The following MACROH2A1 variants were observed in gnomAD, a reference collection of about 807,000 sequenced individuals.
MACROH2A1 encodes macroH2A.1 histone, also known as core histone macro-H2A.1.
A neutral mutation model predicts 31.6 loss-of-function variants in MACROH2A1; 2 were observed. The observed-to-expected ratio is 0.06, with a 90% CI of 0.03 to 0.20. The LOEUF is 0.20. MACROH2A1 is among the 10% of genes least tolerant of loss of function. The pLI is 1.00. For missense variants in MACROH2A1, 230 were observed against 474.0 expected, an observed-to-expected ratio of 0.49 and a Z score of 4.78; for synonymous variants, 169 against 189.6, an observed-to-expected ratio of 0.89 and a Z score of 0.89.
chr5:135,343,150 T>C, intron 8 of MACROH2A1, 110 bp downstream of exon 8: 1 of 1,591,968 alleles, frequency 6.3e-7, no homozygotes, highest in South Asian at 1.1e-5. Context: ...GTCTCCTTGG[T>C]TAAGGCAGCC....
rs764849677 is a variant in MACROH2A1, at chr5:135,335,120, T to C, written c.975A>G (p.Thr325=). 2.5e-5 allele frequency: 40 copies of C among 1,613,904 alleles called. No individual in the cohort carries two copies. The East Asian group carries it at 8.7e-4, about 35-fold the overall frequency. Residue 325 remains threonine, a synonymous_variant, in exon 9 of 9, where the codon ACA becomes ACG. Transcript: ENST00000511689. ...GSGRNGFPKQ[T]AAQLILKAIS... ...TGGCCTTCAGAATCAGCTGAGCTGC[T>C]GTCTGCTTTGGAAAACCGTTCCTGG... is the stretch of plus-strand genomic sequence containing the variant.
chr5:135,334,801 A>AAAC lies in MACROH2A1; in HGVS notation c.*172_*174dup. Reference sequence around the variant, plus strand: ...ATGCCAACTATCAGTGCTAACATAAAAACATTTTAGAAGGTCAAAAACAAT... The same window carrying AAAC: ...ATGCCAACTATCAGTGCTAACATAAAAACAACATTTTAGAAGGTCAAAAACAAT... On this transcript the variant is annotated 3_prime_UTR_variant, in exon 9 of 9. Coordinates refer to ENST00000511689, the MANE Select transcript of MACROH2A1 (RefSeq NM_138610.3). 1.7e-6 allele frequency: 1 copy of AAAC among 605,410 alleles called. No homozygotes were observed. The highest frequency in any genetic ancestry group is 3.0e-6 in the Non-Finnish European group (1 of 337,404). 37.5% of individuals were successfully genotyped at this position (605,410 alleles called of 1,614,324 possible).
At chr5:135,362,415 C>A (rs558887015) in intron 4 of MACROH2A1, 1 of 152,322 alleles carries the variant, frequency 6.6e-6, no homozygotes, top group East Asian at 1.9e-4. Context: ...GATGAGATTA[C>A]ACTATGTATT....
At chr5:135,380,698 A>G (rs1188883153) in intron 2 of MACROH2A1, among the ~76,000 whole-genome samples, 1 of 152,196 alleles carries the variant, frequency 6.6e-6, no homozygotes, top group African/African-American at 2.4e-5. Context: ...ATCTTGGCCC[A>G]AATATAAATA....
At chr5:135,390,727 T>A (rs1017088473) in intron 1 of MACROH2A1, among the ~76,000 whole-genome samples, 4 of 151,548 alleles carry the variant, frequency 2.6e-5, no homozygotes, top group African/African-American at 9.7e-5. Flanking sequence ...GGGATAGGAG[T>A]CCCTGTTACT....
chr5:135,358,104 T>G (rs909849464), intron 5 of MACROH2A1: 1 of 984,704 alleles, frequency 1.0e-6, no homozygotes, highest in Non-Finnish European at 1.2e-6. Context: ...ATTTTAAATG[T>G]GCTTTTTGTA....
chr5:135,395,830 T>G (rs1365306472), intron 1 of MACROH2A1, among the ~76,000 whole-genome samples: 4 of 152,122 alleles, frequency 2.6e-5, no homozygotes, highest in Non-Finnish European at 5.9e-5. Context: ...AGCCAGATGA[T>G]TAAAGAACCT....
chr5:135,389,469 C>A (rs1243453590), intron 1 of MACROH2A1, among the ~76,000 whole-genome samples: 2 of 152,102 alleles, frequency 1.3e-5, no homozygotes, highest in African/African-American at 4.8e-5. Context: ...ATAAACTTAC[C>A]AAAGGCTTCA....
At chr5:135,383,661 T>G (rs1765954650) in intron 2 of MACROH2A1, among the ~76,000 whole-genome samples, 1 of 151,442 alleles carries the variant, frequency 6.6e-6, no homozygotes, top group South Asian at 2.1e-4. Flanking sequence ...AGAATTAAGA[T>G]AAAATTCTTA....
intron 6 of MACROH2A1, among the ~76,000 whole-genome samples, chr5:135,350,465 A>T (rs942089587): frequency 1.2e-4 from 18 of 152,046 alleles, no homozygotes; most frequent in Admixed American, 9.2e-4. Context: ...GAGTGCATGG[A>T]GATGGTCTTG....
At chr5:135,393,483 G>C (rs1767538527) in intron 1 of MACROH2A1, among the ~76,000 whole-genome samples, 1 of 152,212 alleles carries the variant, frequency 6.6e-6, no homozygotes, top group African/African-American at 2.4e-5. Flanking sequence ...GGCCCTGTTT[G>C]ACCCATGTTC....
At chr5:135,363,852 T>C (rs1369365335) in intron 4 of MACROH2A1, among the ~76,000 whole-genome samples, 1 of 152,240 alleles carries the variant, frequency 6.6e-6, no homozygotes, top group East Asian at 1.9e-4. Flanking sequence ...CCTGACTTTT[T>C]AATGATCACC....
chr5:135,372,320 G>T (rs1764270709), intron 2 of MACROH2A1, among the ~76,000 whole-genome samples: 1 of 152,216 alleles, frequency 6.6e-6, no homozygotes, highest in Non-Finnish European at 1.5e-5. Flanking sequence ...AGGGTGGAAG[G>T]CAAGATAGCC....
chr5:135,380,253 C>G (rs575547835), intron 2 of MACROH2A1, among the ~76,000 whole-genome samples: 31 of 152,208 alleles, frequency 2.0e-4, no homozygotes, highest in African/African-American at 6.0e-4. Flanking sequence ...GTGGGGAAGG[C>G]CTGGGATCAC....
In MACROH2A1 at chr5:135,377,380, C is replaced by T. The variant is rs1283473955; in HGVS notation, c.173-7238G>A. On this transcript the variant is annotated intron_variant, in intron 2 of 8. Coordinates refer to ENST00000511689, the MANE Select transcript of MACROH2A1 (RefSeq NM_138610.3). ...AAACCACAGCCATTTGTTCTTAATT[C>T]ATCTCAGGAAGGGGTGAACAATCAG... is the stretch of plus-strand genomic sequence containing the variant. Among the ~76,000 whole-genome samples the T allele has an allele frequency of 2.0e-5, 3 of 152,216 alleles. No homozygotes were observed. The East Asian group carries it at 5.8e-4, about 29-fold the overall frequency.
chr5:135,343,640 AT>A, intron 7 of MACROH2A1: 1 of 716,150 alleles, frequency 1.4e-6, no homozygotes. Context: ...TGGCATTATG[AT>A]GTGTCACCAC....
At chr5:135,346,312 T>C (rs1760829736) in intron 6 of MACROH2A1, 24 of 491,568 alleles carry the variant, frequency 4.9e-5, no homozygotes, top group South Asian at 4.2e-4. Context: ...AGGGTGATCA[T>C]GGATGTGCCA....
intron 7 of MACROH2A1, 39 bp downstream of exon 7, chr5:135,345,929 T>C: frequency 7.5e-7 from 1 of 1,338,980 alleles, no homozygotes; most frequent in Non-Finnish European, 1.1e-6. Flanking sequence ...ATACTGCATG[T>C]GTCACAACCA....
Position 135,398,440 on chromosome 5 carries a change from C to T in MACROH2A1, c.-34+622G>A, listed in dbSNP as rs1020644547. ...TCGGGAGCAGCGGGGGTTCCCGTGGCCCCTCTCCAGCCCATCCTTGGACCA... is the reference window on the plus strand; with the variant it reads ...TCGGGAGCAGCGGGGGTTCCCGTGGTCCCTCTCCAGCCCATCCTTGGACCA... On this transcript the variant is annotated intron_variant, in intron 1 of 8. Transcript: ENST00000511689. The surrounding 1 kb of genome is among the most constrained non-coding windows in gnomAD (Gnocchi z 4.6). Among the ~76,000 whole-genome samples, 4 of 152,210 alleles carry T rather than the reference C, an allele frequency of 2.6e-5. No homozygotes were observed. Among genetic ancestry groups the T allele is most frequent in the Non-Finnish European group, 5.9e-5 (4 of 68,030 alleles).
Sources: gnomAD v4.1 joint callset for allele counts (sites outside exome capture counted in the v4.1 genomes callset) on GRCh38, gnomAD v4.1.1 for gene constraint, Gnocchi (gnomAD v3.1) non-coding constraint, MANE v1.5 for transcripts, NCBI Gene and HGNC (gene_info 2026-07-23, HGNC 2026-07-21) for gene names.